Variants in SART3 observed in about 807,000 individuals in gnomAD.
The protein encoded by SART3 is HIV-1 Tat-interacting protein of 110kDa.
A neutral mutation model predicts 122.3 loss-of-function variants in SART3; 44 were observed. That is an observed-to-expected ratio of 0.36 (90% CI 0.28 to 0.46). The LOEUF (loss-of-function observed/expected upper bound fraction) is 0.46, where lower values mean the gene tolerates loss of function less well. Among genes scored for constraint, SART3 ranks in the 20% least tolerant of loss-of-function variants. The probability of loss-of-function intolerance (pLI) is 1.00; values close to 1 mark genes in which losing one functional copy is unlikely to be tolerated. For synonymous variants in SART3, 442 were observed against 454.0 expected, an observed-to-expected ratio of 0.97 and a Z score of 0.34; for missense variants, 1,101 against 1,229.0, an observed-to-expected ratio of 0.90 and a Z score of 1.56.
At chr12:108,543,184 T>C (rs1873246459) in intron 5 of SART3, 32 bp from the exon 6 acceptor site, 1 of 1,612,682 alleles carries the variant, frequency 6.2e-7, no homozygotes, top group Non-Finnish European at 8.5e-7. Flanking sequence ...CCCGTGGGTC[T>C]TGCCATTGGG....
rs113616021 is a variant in SART3 at position 108,545,229 on chromosome 12, A to T, written c.639T>A (p.Ala213=). The part of the protein sequence containing the change: ...LEKVRSVFER[A]LSSVGLHMTK... ...TCATATGTAAACCAACAGACGAGAG[A>T]GCCCTTTCAAACACGGAGCGAACTT... Residue 213 remains alanine, a synonymous_variant, in exon 4 of 19, where the codon GCT becomes GCA. Transcript: ENST00000546815. The T allele has an allele frequency of 1.2e-6, 2 of 1,614,182 alleles. No homozygotes were observed. Among genetic ancestry groups the T allele is most frequent in the Non-Finnish European group, 1.7e-6 (2 of 1,180,022 alleles).
Position 108,542,903 on chromosome 12 carries a change from C to T in SART3, c.906+125G>A, listed in dbSNP as rs568626394. The T allele has an allele frequency of 8.5e-5, 107 of 1,258,506 alleles. No homozygotes were observed. In the African/African-American group the frequency reaches 1.1e-3, roughly 12 times the overall value. The allele number at this position is 1,258,506 out of a possible 1,614,324, so 78.0% of individuals were successfully genotyped here. A position where few individuals can be genotyped will look rare whatever the true frequency, so the allele number is the denominator to read the frequency against. ...CTTTATTATTAGTATGTAAACTGTA[C>T]GTATACATTTATACACTCTATATAT... On this transcript the variant is annotated intron_variant, in intron 6 of 18. Transcript: ENST00000546815.
chr12:108,536,796 G>A lies in SART3; in HGVS notation c.1310-11C>T. The A allele has an allele frequency of 6.2e-7, 1 of 1,613,252 alleles. No homozygotes were observed. On this transcript the variant is annotated splice_polypyrimidine_tract_variant and intron_variant, in intron 9 of 18. Transcript: ENST00000546815. ...GCTCTTTACTGGAGTCTAACGGAAAGTGCAAAAAAAGGCTTTAGGAAACCA... is the reference window on the plus strand; with the variant it reads ...GCTCTTTACTGGAGTCTAACGGAAAATGCAAAAAAAGGCTTTAGGAAACCA...
intron 5 of SART3, among the ~76,000 whole-genome samples, chr12:108,544,166 C>A (rs981695723): frequency 1.3e-5 from 2 of 152,192 alleles, no homozygotes; most frequent in Non-Finnish European, 2.9e-5. Context: ...CCAACTAGGT[C>A]TCAAAGGAGA....
rs780350227 is a variant in SART3, at chr12:108,561,096, G to A, written c.59C>T (p.Pro20Leu). The A allele has an allele frequency of 1.9e-6, 3 of 1,613,948 alleles. No homozygotes were observed. The highest frequency in any genetic ancestry group is 1.7e-6 in the Non-Finnish European group (2 of 1,180,002). The change falls in exon 1 of 19, where the codon CCC becomes CTC. Residue 20 changes from proline (P) to leucine (L), a missense_variant. Physicochemically the swap from Pro to Leu is moderately conservative, Grantham distance 98. Around this residue, in one of 2 missense-constraint regions of SART3, gnomAD observed 216 missense variants for 148.9 expected, o/e 1.45. Coordinates refer to ENST00000546815, the MANE Select transcript of SART3 (RefSeq NM_014706.4). ...CTCATCCTCCTCTCCGTCAGCCTTG[G>A]GCCCAGCCTTGGACTCAGCCTCGGG... The part of the protein sequence containing the change: ...SEPEAESKAG[P>L]KADGEEDEVK...
intron 15 of SART3, among the ~76,000 whole-genome samples, chr12:108,528,065 AC>A (rs1419176418): frequency 6.6e-6 from 1 of 152,090 alleles, no homozygotes; most frequent in Non-Finnish European, 1.5e-5. Context: ...GCGCCCAGCC[AC>A]CAGAGACAAT....
intron 15 of SART3, among the ~76,000 whole-genome samples, chr12:108,529,447 G>GA (rs1186425578): frequency 1.3e-5 from 2 of 152,150 alleles, no homozygotes; most frequent in Admixed American, 1.3e-4. Flanking sequence ...CTGAGTTATG[G>GA]AAAGTATAAG....
chr12:108,524,632 A>G, intron 17 of SART3, 126 bp from the exon 18 acceptor site: 1 of 797,072 alleles, frequency 1.3e-6, no homozygotes, highest in East Asian at 2.5e-5. Context: ...ACGACCCACC[A>G]ACAGGTTACC....
intron 1 of SART3, chr12:108,560,379 T>C (rs2030454102): frequency 4.8e-6 from 1 of 207,764 alleles, no homozygotes; most frequent in Non-Finnish European, 9.5e-6. Flanking sequence ...TTTCCATTTC[T>C]ATTATCACCA....
chr12:108,536,920 C>T (rs1024305884), intron 9 of SART3, 135 bp from the exon 10 acceptor site: 7 of 777,364 alleles, frequency 9.0e-6, no homozygotes, highest in South Asian at 1.5e-5. Context: ...ATAAAATTGC[C>T]AATTCCTGCC....
rs145952524 is a variant in SART3 at position 108,537,662 on chromosome 12, T to C, written c.1202-67A>G. Reference sequence around the variant, plus strand: ...GGAAACTAATAGAAAGTCACTACATTCTACTGACTATAAAACACTACATGA... The same window carrying C: ...GGAAACTAATAGAAAGTCACTACATCCTACTGACTATAAAACACTACATGA... On this transcript the variant is annotated intron_variant, in intron 8 of 18. Coordinates refer to ENST00000546815, the MANE Select transcript of SART3 (RefSeq NM_014706.4). 6.6e-5 allele frequency: 75 copies of C among 1,139,204 alleles called. No individual in the cohort carries two copies. In the African/African-American group the frequency reaches 8.4e-4, roughly 13 times the overall value. The allele number at this position is 1,139,204 out of a possible 1,614,324, so 70.6% of individuals were successfully genotyped here.
chr12:108,556,388 G>A (rs560349266), intron 1 of SART3, among the ~76,000 whole-genome samples: 1 of 152,314 alleles, frequency 6.6e-6, no homozygotes, highest in African/African-American at 2.4e-5. Flanking sequence ...GTGAGCCACT[G>A]CATCTGGTGA....
intron 13 of SART3, chr12:108,531,952 C>T (rs944121803): frequency 4.7e-6 from 2 of 426,740 alleles, no homozygotes; most frequent in African/African-American, 4.1e-5. Context: ...CAGGGATGCC[C>T]CTAAACATTG....
intron 14 of SART3, among the ~76,000 whole-genome samples, chr12:108,530,630 G>A (rs1872637163): frequency 6.6e-6 from 1 of 152,194 alleles, no homozygotes; most frequent in Non-Finnish European, 1.5e-5. Context: ...GCCGAGATGG[G>A]TGGATCACGA....
intron 1 of SART3, among the ~76,000 whole-genome samples, chr12:108,557,838 A>C (rs2030298505): frequency 6.6e-6 from 1 of 152,216 alleles, no homozygotes; most frequent in South Asian, 2.1e-4. Context: ...CTTTTGTTAG[A>C]CAGATACCAC....
rs1872180241 is a variant in SART3 at position 108,522,689 on chromosome 12, G to A, written c.*768C>T. On this transcript the variant is annotated 3_prime_UTR_variant, in exon 19 of 19. Transcript: ENST00000546815. Reference sequence around the variant, plus strand: ...TGAGTACCATTCAGCAAGAAGTTTTGAAGAGAACGTCAGTTTAATAAAGCT... The same window carrying A: ...TGAGTACCATTCAGCAAGAAGTTTTAAAGAGAACGTCAGTTTAATAAAGCT... The A allele has an allele frequency of 6.6e-6, 1 of 152,504 alleles. No individual in the cohort carries two copies. Among genetic ancestry groups the A allele is most frequent in the South Asian group, 2.1e-4 (1 of 4,830 alleles). The allele number at this position is 152,504 out of a possible 1,614,324, so 9.4% of individuals were successfully genotyped here. A position where few individuals can be genotyped will look rare whatever the true frequency, so the allele number is the denominator to read the frequency against.
intron 14 of SART3, 93 bp downstream of exon 14, chr12:108,531,111 G>T: frequency 2.1e-6 from 2 of 939,468 alleles, no homozygotes; most frequent in Non-Finnish European, 3.5e-6. Context: ...AAGACACTTA[G>T]GAAAATGTAA....
At chr12:108,536,901 G>T in intron 9 of SART3, 116 bp from the exon 10 acceptor site, 1 of 920,280 alleles carries the variant, frequency 1.1e-6, no homozygotes, top group Non-Finnish European at 1.7e-6. Context: ...TCATGCAAGG[G>T]ACACAGAAAT....
At chr12:108,529,912 T>A (rs980502615) in intron 15 of SART3, among the ~76,000 whole-genome samples, 77 of 152,140 alleles carry the variant, frequency 5.1e-4, no homozygotes, top group Non-Finnish European at 8.8e-5. Flanking sequence ...ACAAAGGACA[T>A]TATCAGGATA....
Sources: allele counts gnomAD v4.1 joint callset (sites outside exome capture counted in the v4.1 genomes callset), GRCh38; gene constraint gnomAD v4.1.1; regional missense constraint gnomAD v4.1.1; transcripts MANE v1.5; gene names NCBI Gene and HGNC (gene_info 2026-07-23, HGNC 2026-07-21).